Variants in AP3S2 observed in about 807,000 individuals in gnomAD.
The protein encoded by AP3S2 is adaptor related protein complex 3 subunit sigma 2.
Under a neutral mutation model 23.4 loss-of-function variants are expected in AP3S2, and 22 were observed. The observed-to-expected ratio is 0.94, with a 90% CI of 0.67 to 1.34. The LOEUF is 1.34. AP3S2 is among the 40% of genes most tolerant of loss of function. The pLI, the probability that AP3S2 is intolerant of heterozygous loss-of-function variation, is 0.00. For synonymous variants in AP3S2, 86 were observed against 87.1 expected (o/e 0.99, Z 0.07); for missense variants, 241 against 236.9 (o/e 1.02, Z -0.11).
intron 3 of AP3S2, among the ~76,000 whole-genome samples, chr15:89,878,686 A>C (rs947048399): frequency 6.6e-6 from 1 of 151,976 alleles, no homozygotes; most frequent in Non-Finnish European, 1.5e-5. Context: ...TCAGCCTCCC[A>C]AGTAGCTGAG....
At chr15:89,837,085 T>C (rs545313353) in intron 5 of AP3S2, among the ~76,000 whole-genome samples, 1 of 152,274 alleles carries the variant, frequency 6.6e-6, no homozygotes, top group East Asian at 1.9e-4. Flanking sequence ...CCCAGCACCA[T>C]GTGGGGGTGG....
intron 4 of AP3S2, among the ~76,000 whole-genome samples, chr15:89,841,945 G>A (rs1895338877): frequency 6.6e-6 from 1 of 151,978 alleles, no homozygotes; most frequent in South Asian, 2.1e-4. Flanking sequence ...TAGATACAAT[G>A]GTAATAAAAT....
At chr15:89,850,982 T>C (rs1895637308) in intron 4 of AP3S2, among the ~76,000 whole-genome samples, 1 of 152,142 alleles carries the variant, frequency 6.6e-6, no homozygotes, top group African/African-American at 2.4e-5. Context: ...CCCAGAGTGC[T>C]GGGATTACAG....
intron 4 of AP3S2, among the ~76,000 whole-genome samples, chr15:89,863,145 A>C (rs1324456411): frequency 6.6e-6 from 1 of 152,152 alleles, no homozygotes; most frequent in African/African-American, 2.4e-5. Flanking sequence ...CAGAAACAAT[A>C]AAAAAGGTGA....
At chr15:89,888,704 G>T in intron 2 of AP3S2, 72 bp from the exon 3 acceptor site, 2 of 1,466,154 alleles carry the variant, frequency 1.4e-6, no homozygotes, top group East Asian at 4.7e-5. Flanking sequence ...TTGTGCCAAA[G>T]AATGAGAAAG....
chr15:89,855,796 G>A (rs1405321059), intron 4 of AP3S2, among the ~76,000 whole-genome samples: 1 of 145,780 alleles, frequency 6.9e-6, no homozygotes, highest in Non-Finnish European at 1.5e-5. Flanking sequence ...GTTGTTGTGA[G>A]CTGAGATTGC....
At chr15:89,846,769 G>A (rs1451019884) in intron 4 of AP3S2, among the ~76,000 whole-genome samples, 2 of 152,058 alleles carry the variant, frequency 1.3e-5, no homozygotes, top group South Asian at 2.1e-4. Context: ...CTTGTGATCC[G>A]CCTGCCTCGG....
At chr15:89,868,711 C>T (rs1896230034) in intron 4 of AP3S2, among the ~76,000 whole-genome samples, 2 of 122,338 alleles carry the variant, frequency 1.6e-5, no homozygotes, top group African/African-American at 6.5e-5. Flanking sequence ...CAGCCCTCCG[C>T]CCGGCCAGCC....
intron 3 of AP3S2, among the ~76,000 whole-genome samples, chr15:89,884,884 G>A (rs185985819): frequency 1.3e-5 from 2 of 152,090 alleles, no homozygotes; most frequent in African/African-American, 4.8e-5. Context: ...TCCTGACCTC[G>A]TGATCCTCCT....
chr15:89,882,715 T>C (rs1239656586), intron 3 of AP3S2, among the ~76,000 whole-genome samples: 1 of 152,222 alleles, frequency 6.6e-6, no homozygotes, highest in Non-Finnish European at 1.5e-5. Context: ...CAGAACTCTA[T>C]TATTAGTTCC....
chr15:89,847,990 T>G (rs564377543), intron 4 of AP3S2, among the ~76,000 whole-genome samples: 11 of 152,226 alleles, frequency 7.2e-5, no homozygotes, highest in African/African-American at 2.6e-4. Context: ...TAACCGAAAA[T>G]TTCACAGGCA....
At chr15:89,884,414 TA>T (rs1036148965) in intron 3 of AP3S2, among the ~76,000 whole-genome samples, 9 of 150,586 alleles carry the variant, frequency 6.0e-5, no homozygotes, top group African/African-American at 1.2e-4. Flanking sequence ...CTTTGTAGAT[TA>T]AAAAAAAACC....
chr15:89,883,242 C>T (rs1200187971), intron 3 of AP3S2, among the ~76,000 whole-genome samples: 2 of 152,198 alleles, frequency 1.3e-5, no homozygotes, highest in East Asian at 3.9e-4. Context: ...CATTTCCTTA[C>T]TTATAATTCT....
chr15:89,890,143 G>A (rs1015956272), intron 1 of AP3S2, among the ~76,000 whole-genome samples: 4 of 151,984 alleles, frequency 2.6e-5, no homozygotes, highest in Non-Finnish European at 4.4e-5. Context: ...CTCCACCTCC[G>A]GGTTCAAGCG....
At chr15:89,843,778 A>G (rs1241702723) in intron 4 of AP3S2, among the ~76,000 whole-genome samples, 1 of 152,224 alleles carries the variant, frequency 6.6e-6, no homozygotes, top group Non-Finnish European at 1.5e-5. Context: ...ACTGCACTCC[A>G]GCCTGGGCAA....
chr15:89,842,009 G>A (rs1895339969), intron 4 of AP3S2, among the ~76,000 whole-genome samples: 1 of 152,106 alleles, frequency 6.6e-6, no homozygotes, highest in Non-Finnish European at 1.5e-5. Flanking sequence ...TCTATGAAAT[G>A]AGAGCTCAAA....
At chr15:89,889,393 T>C (rs1896768454) in intron 1 of AP3S2, 4 of 420,974 alleles carry the variant, frequency 9.5e-6, no homozygotes, top group African/African-American at 4.0e-5. Context: ...TACTGTCCTA[T>C]AGGTAAGCTG....
At chr15:89,876,385 C>T (rs2141887450) in intron 3 of AP3S2, among the ~76,000 whole-genome samples, 1 of 151,994 alleles carries the variant, frequency 6.6e-6, no homozygotes, top group Non-Finnish European at 1.5e-5. Context: ...CACCACTGCA[C>T]TCCAGCCTGG....
chr15:89,888,766 G>A, intron 2 of AP3S2, 134 bp from the exon 3 acceptor site: 1 of 1,019,562 alleles, frequency 9.8e-7, no homozygotes, highest in Admixed American at 2.8e-5. Flanking sequence ...ATTCTTACTA[G>A]GTGAATGGCA....
Sources: gnomAD v4.1 joint callset for allele counts (sites outside exome capture counted in the v4.1 genomes callset) on GRCh38, gnomAD v4.1.1 for gene constraint, MANE v1.5 for transcripts, NCBI Gene and HGNC (gene_info 2026-07-23, HGNC 2026-07-21) for gene names.